Variants in NR2F1-AS1 observed in about 807,000 individuals in gnomAD.
NR2F1-AS1 encodes the protein NR2F1 regulatory antisense RNA 1, also known as NR2F1 antisense RNA 1.
rs140514504 is a variant in NR2F1-AS1 at position 93,489,798 on chromosome 5, G to A, written n.638+63963C>T. On this transcript the variant is annotated intron_variant and non_coding_transcript_variant, in intron 4 of 5. Transcript: ENST00000660523. ...GAAGTTCTCTAAGGGCAGTTTAACC[G>A]CGGTAAGAGATCACATCTTGCATTC... Among the ~76,000 whole-genome samples, 32 of 152,250 alleles carry A rather than the reference G, an allele frequency of 2.1e-4. No homozygotes were observed. In the East Asian group the frequency reaches 2.1e-3, roughly 10 times the overall value.
intron 4 of NR2F1-AS1, among the ~76,000 whole-genome samples, chr5:93,523,256 A>G (rs1001440912): frequency 2.6e-5 from 4 of 152,280 alleles, no homozygotes; most frequent in African/African-American, 9.6e-5. Context: ...GATGGAGCCC[A>G]AGGCAGTACA....
At chr5:93,453,476 G>GA (rs905000863) in intron 4 of NR2F1-AS1, among the ~76,000 whole-genome samples, 2 of 151,636 alleles carry the variant, frequency 1.3e-5, no homozygotes, top group Non-Finnish European at 2.9e-5. Context: ...GAATAAACCT[G>GA]AAAAAAATCC....
chr5:93,417,792 T>C (rs1487632856), intron 4 of NR2F1-AS1, among the ~76,000 whole-genome samples: 1 of 152,166 alleles, frequency 6.6e-6, no homozygotes, highest in Non-Finnish European at 1.5e-5. Flanking sequence ...ATGTACAAGA[T>C]ATGACAGTGA....
At chr5:93,442,252 C>T (rs779858828) in intron 4 of NR2F1-AS1, among the ~76,000 whole-genome samples, 2 of 152,160 alleles carry the variant, frequency 1.3e-5, no homozygotes, top group African/African-American at 4.8e-5. Flanking sequence ...CATCACCTCA[C>T]CCAGGAAGCG....
intron 4 of NR2F1-AS1, among the ~76,000 whole-genome samples, chr5:93,552,631 T>C (rs1201297744): frequency 6.7e-6 from 1 of 149,796 alleles, no homozygotes; most frequent in Non-Finnish European, 1.5e-5. Flanking sequence ...GGGATTTGTT[T>C]ATACTGTAAA....
intron 4 of NR2F1-AS1, among the ~76,000 whole-genome samples, chr5:93,483,116 C>G (rs1351169930): frequency 6.6e-6 from 1 of 152,174 alleles, no homozygotes; most frequent in Non-Finnish European, 1.5e-5. Flanking sequence ...CAGACTGCCT[C>G]CTCAAGTTGG....
At chr5:93,418,428 A>T (rs977182947) in intron 4 of NR2F1-AS1, among the ~76,000 whole-genome samples, 2 of 152,046 alleles carry the variant, frequency 1.3e-5, no homozygotes, top group Non-Finnish European at 2.9e-5. Flanking sequence ...CTCTACTAAA[A>T]ATACAAAAAT....
chr5:93,548,195 A>C (rs1433717908), intron 4 of NR2F1-AS1, among the ~76,000 whole-genome samples: 1 of 152,206 alleles, frequency 6.6e-6, no homozygotes, highest in Non-Finnish European at 1.5e-5. Context: ...GGGAGCAATT[A>C]AGCATCAAGT....
At chr5:93,487,330 T>A (rs745988613) in intron 4 of NR2F1-AS1, among the ~76,000 whole-genome samples, 1 of 152,322 alleles carries the variant, frequency 6.6e-6, no homozygotes, top group Non-Finnish European at 1.5e-5. Context: ...GATGACATGA[T>A]TGTATATTTA....
At position 93,445,112 on chromosome 5, in the gene NR2F1-AS1, T is replaced by C. The variant is rs75738058; in HGVS notation, n.639-49570A>G. 2.6e-5 allele frequency among the ~76,000 whole-genome samples: 4 copies of C among 152,254 alleles called. No individual in the cohort carries two copies. In the East Asian group the frequency reaches 5.8e-4, roughly 22 times the overall value. ...AAGAGGAAGCAGGAAAGATCTAAAATTGACACCCTAACATCATAATTAAAA... is the reference window on the plus strand; with the variant it reads ...AAGAGGAAGCAGGAAAGATCTAAAACTGACACCCTAACATCATAATTAAAA... On this transcript the variant is annotated intron_variant and non_coding_transcript_variant, in intron 4 of 5. Coordinates refer to ENST00000660523, the Ensembl canonical transcript of NR2F1-AS1.
At chr5:93,410,039 T>C (rs1435054067) in intron 4 of NR2F1-AS1, 1 of 152,216 alleles carries the variant, frequency 6.6e-6, no homozygotes, top group Admixed American at 6.5e-5. Flanking sequence ...AAATGTGTCA[T>C]AGACACTACA....
chr5:93,560,476 TG>T (rs1752462846), intron 2 of NR2F1-AS1, among the ~76,000 whole-genome samples: 1 of 152,226 alleles, frequency 6.6e-6, no homozygotes, highest in African/African-American at 2.4e-5. Flanking sequence ...TGACATTAGT[TG>T]GTATGCAGCT....
intron 2 of NR2F1-AS1, among the ~76,000 whole-genome samples, chr5:93,556,656 A>G (rs912553078): frequency 1.3e-5 from 2 of 152,208 alleles, no homozygotes; most frequent in Non-Finnish European, 2.9e-5. Flanking sequence ...ACATGCACAC[A>G]GGAAGAACAC....
chr5:93,581,326 G>C (rs943794960), upstream of NR2F1-AS1: 1 of 152,236 alleles, frequency 6.6e-6, no homozygotes, highest in African/African-American at 2.4e-5. Context: ...GCGCCCGCCT[G>C]AGCCTGCCTA....
At chr5:93,554,173 T>C (rs944885926) in intron 3 of NR2F1-AS1, among the ~76,000 whole-genome samples, 7 of 152,182 alleles carry the variant, frequency 4.6e-5, no homozygotes, top group Admixed American at 3.9e-4. Flanking sequence ...ATCAGAAGTA[T>C]ATAATGATGA....
chr5:93,467,898 A>G (rs1299561100), intron 4 of NR2F1-AS1, among the ~76,000 whole-genome samples: 1 of 152,208 alleles, frequency 6.6e-6, no homozygotes, highest in Non-Finnish European at 1.5e-5. Flanking sequence ...ATGAGTGAGA[A>G]CATGCAGTGT....
intron 4 of NR2F1-AS1, among the ~76,000 whole-genome samples, chr5:93,449,890 T>C (rs1055184958): frequency 1.3e-5 from 2 of 152,158 alleles, no homozygotes; most frequent in African/African-American, 2.4e-5. Flanking sequence ...TTAAAGACCC[T>C]ATGACTTATC....
At chr5:93,495,962 T>C (rs1403922928) in intron 4 of NR2F1-AS1, 3 of 152,122 alleles carry the variant, frequency 2.0e-5, no homozygotes, top group Admixed American at 6.6e-5. Flanking sequence ...TTATGGAAGA[T>C]AGATGGTATT....
At chr5:93,556,443 C>T (rs1214071575) in intron 2 of NR2F1-AS1, among the ~76,000 whole-genome samples, 1 of 152,182 alleles carries the variant, frequency 6.6e-6, no homozygotes, top group Non-Finnish European at 1.5e-5. Flanking sequence ...GTTTTCGAAT[C>T]TATCTTCAGA....
Sources: gnomAD v4.1 joint callset for allele counts (sites outside exome capture counted in the v4.1 genomes callset) on GRCh38, gnomAD v4.1.1 for gene constraint, MANE v1.5 for transcripts, NCBI Gene and HGNC (gene_info 2026-07-23, HGNC 2026-07-21) for gene names.